SPTBN1: variants seen among roughly 807,000 people sequenced by gnomAD.
SPTBN1 encodes spectrin beta, non-erythrocytic 1, also known as spectrin beta chain, non-erythrocytic 1.
Under a neutral mutation model 266.4 loss-of-function variants are expected in SPTBN1, and 32 were observed. The observed-to-expected ratio is 0.12, with a 90% CI of 0.09 to 0.16. The LOEUF (loss-of-function observed/expected upper bound fraction) is 0.16, where lower values mean the gene tolerates loss of function less well. Among genes scored for constraint, SPTBN1 ranks in the 10% least tolerant of loss-of-function variants. The pLI, the probability that SPTBN1 is intolerant of heterozygous loss-of-function variation, is 1.00. For missense variants in SPTBN1, 2,296 were observed against 3,067.1 expected, an observed-to-expected ratio of 0.75 and a Z score of 5.94; for synonymous variants, 1,336 against 1,162.2, an observed-to-expected ratio of 1.15 and a Z score of -3.04.
At chr2:54,569,579 C>T (rs1303313020) in intron 2 of SPTBN1, among the ~76,000 whole-genome samples, 1 of 152,144 alleles carries the variant, frequency 6.6e-6, no homozygotes, top group South Asian at 2.1e-4. Context: ...TACTTAACAT[C>T]ATCTTAAGCT....
chr2:54,576,180 C>G (rs1674465200), intron 2 of SPTBN1, among the ~76,000 whole-genome samples: 1 of 151,052 alleles, frequency 6.6e-6, no homozygotes, highest in South Asian at 2.1e-4. Flanking sequence ...TCAGCCTCCC[C>G]AGTAGCTGGG....
chr2:54,503,528 G>A (rs759510570), intron 1 of SPTBN1, among the ~76,000 whole-genome samples: 2 of 152,224 alleles, frequency 1.3e-5, no homozygotes, highest in African/African-American at 2.4e-5. Flanking sequence ...GAATTTGAAA[G>A]TGTCCAAGGG....
At chr2:54,579,256 T>C (rs1163925980) in intron 2 of SPTBN1, among the ~76,000 whole-genome samples, 1 of 152,184 alleles carries the variant, frequency 6.6e-6, no homozygotes, top group Non-Finnish European at 1.5e-5. Flanking sequence ...GAATGAAGTA[T>C]AACAGCTTCC....
At position 54,593,768 on chromosome 2, in the gene SPTBN1, C is replaced by G. The variant is rs372433842; in HGVS notation, c.149-5324C>G. Among the ~76,000 whole-genome samples, 65 of 140,496 alleles carry G rather than the reference C, an allele frequency of 4.6e-4. 1 individual carries two copies. Among genetic ancestry groups the G allele is most frequent in the South Asian group, 1.9e-3 (8 of 4,150 alleles). The allele number at this position is 140,496 out of a possible 152,430, so 92.2% of individuals were successfully genotyped here. Reference sequence around the variant, plus strand: ...AGACCCTTTACAAAATAAGGACTTGCGTTAGTTAGGATGGTGAGATGGTGG... The same window carrying G: ...AGACCCTTTACAAAATAAGGACTTGGGTTAGTTAGGATGGTGAGATGGTGG... On this transcript the variant is annotated intron_variant, in intron 2 of 35. Transcript: ENST00000356805.
intron 17 of SPTBN1, among the ~76,000 whole-genome samples, chr2:54,637,058 C>T (rs1679197454): frequency 6.6e-6 from 1 of 152,234 alleles, no homozygotes; most frequent in Admixed American, 6.5e-5. Flanking sequence ...AGGGAGCGAG[C>T]ACCCCCTTTA....
chr2:54,647,685 CA>C (rs1274884633), intron 24 of SPTBN1, among the ~76,000 whole-genome samples: 4 of 152,022 alleles, frequency 2.6e-5, no homozygotes, highest in Admixed American at 6.6e-5. Context: ...ACAAAAAATA[CA>C]AAAAATCAGC....
chr2:54,656,176 C>T (rs1680641372), intron 29 of SPTBN1, among the ~76,000 whole-genome samples, 178 bp downstream of exon 29: 2 of 152,138 alleles, frequency 1.3e-5, no homozygotes, highest in South Asian at 4.1e-4. Flanking sequence ...CTTCCTATGG[C>T]GTAGTCATTT....
chr2:54,573,523 A>G (rs1264328865), intron 2 of SPTBN1, among the ~76,000 whole-genome samples: 1 of 152,064 alleles, frequency 6.6e-6, no homozygotes, highest in East Asian at 1.9e-4. Context: ...CAGGACCAAT[A>G]CCGGTCTGTG....
chr2:54,577,945 A>G (rs895207902), intron 2 of SPTBN1, among the ~76,000 whole-genome samples: 5 of 152,166 alleles, frequency 3.3e-5, no homozygotes, highest in East Asian at 1.9e-4. Flanking sequence ...CTCACTCTTC[A>G]TTGGTGATGG....
At chr2:54,660,658 T>A in intron 32 of SPTBN1, 1 of 985,454 alleles carries the variant, frequency 1.0e-6, no homozygotes, top group African/African-American at 1.7e-5. Context: ...AGGCACACAA[T>A]CTCATACATT....
chr2:54,619,019 T>C lies in SPTBN1; in HGVS notation c.763+826T>C, dbSNP rs1677820734. 3.9e-5 allele frequency among the ~76,000 whole-genome samples: 6 copies of C among 152,314 alleles called. No homozygotes were observed. In the South Asian group the frequency reaches 1.2e-3, roughly 32 times the overall value. ...AACTTTTTCTAATTTTGAGAAGCAT[T>C]TAAAATATCTGGATTTGTTTGAAGT... On this transcript the variant is annotated intron_variant, in intron 7 of 35. Coordinates refer to ENST00000356805, the MANE Select transcript of SPTBN1 (RefSeq NM_003128.3).
At chr2:54,652,592 T>C (rs1680369422) in intron 26 of SPTBN1, 1 of 152,244 alleles carries the variant, frequency 6.6e-6, no homozygotes, top group Non-Finnish European at 1.5e-5. Context: ...ATATGTAGGA[T>C]CAATTCCCCA....
At position 54,621,522 on chromosome 2, in the gene SPTBN1, T is replaced by C; in HGVS notation, c.876+10T>C. 1.2e-6 allele frequency: 2 copies of C among 1,607,212 alleles called. No homozygotes were observed. The highest frequency in any genetic ancestry group is 1.7e-6 in the Non-Finnish European group (2 of 1,173,812). ...AAAACGAATTGGAAAGGTGAGCTGG[T>C]GCCAATTTTGTGAGTTGTGAGACAT... On this transcript the variant is annotated intron_variant, in intron 8 of 35. Coordinates refer to ENST00000356805, the MANE Select transcript of SPTBN1 (RefSeq NM_003128.3).
chr2:54,522,678 G>GAGAGGAGAGAGAGAGAGAGAGA (rs370803474), intron 1 of SPTBN1, among the ~76,000 whole-genome samples: 1 of 78,578 alleles, frequency 1.3e-5, no homozygotes, highest in Non-Finnish European at 2.7e-5. Flanking sequence ...GAGAGAGAGA[G>GAGAGGAGAGAGAGAGAGAGAGA]GAGAGAGAGA....
intron 2 of SPTBN1, among the ~76,000 whole-genome samples, chr2:54,579,246 G>C (rs1172413126): frequency 5.9e-5 from 9 of 152,134 alleles, no homozygotes; most frequent in Non-Finnish European, 1.3e-4. Flanking sequence ...ACGGCACATA[G>C]AATGAAGTAT....
chr2:54,637,692 T>C (rs775022709), intron 17 of SPTBN1, 21 bp from the exon 18 acceptor site: 147 of 1,583,906 alleles, frequency 9.3e-5, no homozygotes, highest in Non-Finnish European at 1.2e-4. Context: ...TTAAAAATTA[T>C]TTTTGTTACC....
Position 54,649,211 on chromosome 2 carries a change from A to G in SPTBN1, c.5202+21A>G, listed in dbSNP as rs146693628. 5 of 1,582,088 alleles carry G rather than the reference A, an allele frequency of 3.2e-6. No individual in the cohort carries two copies. The African/African-American group carries it at 4.0e-5, about 13-fold the overall frequency. ...TCACGGCAAGTACTTGAGGCAGTGCATGAGTTGGTTGTGCAGTAAGCGATG... is the reference window on the plus strand; with the variant it reads ...TCACGGCAAGTACTTGAGGCAGTGCGTGAGTTGGTTGTGCAGTAAGCGATG... On this transcript the variant is annotated intron_variant, in intron 25 of 35. Coordinates refer to ENST00000356805, the MANE Select transcript of SPTBN1 (RefSeq NM_003128.3). The surrounding 1 kb of genome is among the most constrained non-coding windows in gnomAD (Gnocchi z 6.7).
rs531324619 is a variant in SPTBN1, at chr2:54,607,910, G to T, written c.301-4251G>T. ...AAGAAAGTGAAAAATAATAATCTGA[G>T]ACTGGACAGACTTAAAATGGCCGCT... On this transcript the variant is annotated intron_variant, in intron 3 of 35. Coordinates refer to ENST00000356805, the MANE Select transcript of SPTBN1 (RefSeq NM_003128.3). 2.9e-4 allele frequency among the ~76,000 whole-genome samples: 44 copies of T among 152,218 alleles called. No homozygotes were observed. The South Asian group carries it at 8.9e-3, about 31-fold the overall frequency.
intron 2 of SPTBN1, among the ~76,000 whole-genome samples, chr2:54,531,218 C>T (rs148203780): frequency 5.1e-4 from 78 of 152,296 alleles, no homozygotes; most frequent in South Asian, 3.9e-3. Flanking sequence ...TTACAGCCTG[C>T]GGCCTGGGAC....
Sources: allele counts gnomAD v4.1 joint callset (sites outside exome capture counted in the v4.1 genomes callset), GRCh38; gene constraint gnomAD v4.1.1; non-coding constraint Gnocchi (gnomAD v3.1); transcripts MANE v1.5; gene names NCBI Gene and HGNC (gene_info 2026-07-23, HGNC 2026-07-21).